GPC6: variants seen among roughly 807,000 people sequenced by gnomAD.
The protein encoded by GPC6 is glypican 6.
In GPC6, 14 loss-of-function variants were observed where a neutral mutation model predicts 55.2. That is an observed-to-expected ratio of 0.25 (90% confidence interval 0.17 to 0.40). The LOEUF is 0.40. GPC6 is among the 10% of genes least tolerant of loss of function. The probability of loss-of-function intolerance (pLI) is 1.00; values close to 1 mark genes in which losing one functional copy is unlikely to be tolerated. For synonymous variants in GPC6, 278 were observed against 259.6 expected, an observed-to-expected ratio of 1.07 and a Z score of -0.68; for missense variants, 641 against 708.5, an observed-to-expected ratio of 0.90 and a Z score of 1.08.
At chr13:93,552,420 C>T (rs1875207916) in intron 2 of GPC6, among the ~76,000 whole-genome samples, 1 of 151,106 alleles carries the variant, frequency 6.6e-6, no homozygotes, top group Non-Finnish European at 1.5e-5. Context: ...CTTTGTACAA[C>T]TGGAATATGC....
At chr13:94,339,751 CTTTTTT>C (rs56074677) in intron 6 of GPC6, among the ~76,000 whole-genome samples, 19 of 63,810 alleles carry the variant, frequency 3.0e-4, no homozygotes, top group East Asian at 1.3e-3. Flanking sequence ...GCATACTTTC[CTTTTTT>C]TTTTTTTTTT....
chr13:94,010,323 T>C (rs1300559063), intron 3 of GPC6, among the ~76,000 whole-genome samples: 1 of 152,178 alleles, frequency 6.6e-6, no homozygotes, highest in Non-Finnish European at 1.5e-5. Flanking sequence ...TAGACAGACA[T>C]TAACATCAGA....
rs199803814 is a variant in GPC6 at position 93,233,344 on chromosome 13, C to CAA, written c.160+5740_160+5741dup. ...TTAAATGAATGTGCCAGTTAGTAGCCAAAAAAAAAAAAATCAAAATTTGGT... is the reference window on the plus strand; with the variant it reads ...TTAAATGAATGTGCCAGTTAGTAGCCAAAAAAAAAAAAAAATCAAAATTTGGT... On this transcript the variant is annotated intron_variant, in intron 1 of 8. Transcript: ENST00000377047. Among the ~76,000 whole-genome samples the CAA allele has an allele frequency of 1.8e-3, 223 of 126,140 alleles. No individual in the cohort carries two copies. In the East Asian group the frequency reaches 0.022, roughly 12 times the overall value. 82.8% of individuals were successfully genotyped at this position (126,140 alleles called of 152,430 possible).
chr13:94,150,743 A>G (rs755400091), intron 4 of GPC6, among the ~76,000 whole-genome samples: 1 of 149,966 alleles, frequency 6.7e-6, no homozygotes, highest in Non-Finnish European at 1.5e-5. Flanking sequence ...TTTTCCCTAG[A>G]AGAAGAGATA....
At chr13:93,926,587 C>T (rs1433169364) in intron 3 of GPC6, among the ~76,000 whole-genome samples, 1 of 152,170 alleles carries the variant, frequency 6.6e-6, no homozygotes, top group Non-Finnish European at 1.5e-5. Context: ...TGCTGTGTGA[C>T]ACATATGTTT....
At chr13:93,843,277 C>T (rs1888026378) in intron 3 of GPC6, among the ~76,000 whole-genome samples, 1 of 152,124 alleles carries the variant, frequency 6.6e-6, no homozygotes, top group Non-Finnish European at 1.5e-5. Flanking sequence ...TTTAGCCTGA[C>T]TCACTTTTCA....
At chr13:93,882,643 G>T (rs1875066455) in intron 3 of GPC6, among the ~76,000 whole-genome samples, 1 of 151,932 alleles carries the variant, frequency 6.6e-6, no homozygotes, top group African/African-American at 2.4e-5. Flanking sequence ...AATGCTTAGA[G>T]TTATGTAAAT....
chr13:93,810,904 T>C (rs1303496523), intron 2 of GPC6, among the ~76,000 whole-genome samples: 1 of 152,230 alleles, frequency 6.6e-6, no homozygotes, highest in Non-Finnish European at 1.5e-5. Flanking sequence ...CCAGTTTGCT[T>C]AATGTTGTTT....
intron 7 of GPC6, among the ~76,000 whole-genome samples, chr13:94,386,751 T>G (rs1226339820): frequency 6.6e-6 from 1 of 152,182 alleles, no homozygotes; most frequent in Non-Finnish European, 1.5e-5. Flanking sequence ...AACCAGACAT[T>G]TCTTCCTCTC....
intron 2 of GPC6, among the ~76,000 whole-genome samples, chr13:93,760,288 C>T (rs550442639): frequency 2.6e-4 from 39 of 152,252 alleles, no homozygotes; most frequent in Non-Finnish European, 4.7e-4. Flanking sequence ...CATGTTAAGC[C>T]GCTTCTCAGG....
chr13:93,470,903 A>G (rs1182635698), intron 1 of GPC6, among the ~76,000 whole-genome samples: 2 of 152,056 alleles, frequency 1.3e-5, no homozygotes, highest in East Asian at 3.9e-4. Context: ...TTTCAACTAA[A>G]ATGTTGGATT....
chr13:93,523,970 A>G (rs1223479105), intron 1 of GPC6, among the ~76,000 whole-genome samples: 2 of 151,938 alleles, frequency 1.3e-5, no homozygotes, highest in African/African-American at 4.8e-5. Context: ...GTGGGAACTC[A>G]AAAGAATTAG....
intron 1 of GPC6, among the ~76,000 whole-genome samples, chr13:93,498,704 C>T (rs922835692): frequency 6.6e-6 from 1 of 152,152 alleles, no homozygotes; most frequent in Non-Finnish European, 1.5e-5. Context: ...GTAAGTTCAA[C>T]TAAACCTCTT....
chr13:93,622,072 C>A (rs529837512), intron 2 of GPC6, among the ~76,000 whole-genome samples: 2 of 152,194 alleles, frequency 1.3e-5, no homozygotes, highest in Non-Finnish European at 2.9e-5. Flanking sequence ...CTTCCTCCAA[C>A]TTTTTTAGTT....
At chr13:94,101,919 T>C (rs189046277) in intron 4 of GPC6, among the ~76,000 whole-genome samples, 9 of 152,308 alleles carry the variant, frequency 5.9e-5, no homozygotes, top group Admixed American at 5.2e-4. Context: ...AGTTGTTTTT[T>C]CTTCATTTGT....
intron 2 of GPC6, among the ~76,000 whole-genome samples, chr13:93,622,537 CAG>C (rs1262767841): frequency 1.3e-5 from 2 of 152,110 alleles, no homozygotes; most frequent in African/African-American, 4.8e-5. Context: ...CTTCTTAAAT[CAG>C]AGACTGGAGG....
At chr13:93,500,403 T>C (rs1880477098) in intron 1 of GPC6, among the ~76,000 whole-genome samples, 1 of 152,112 alleles carries the variant, frequency 6.6e-6, no homozygotes, top group Non-Finnish European at 1.5e-5. Flanking sequence ...TAAAAGAGCA[T>C]TTGAGGAACA....
chr13:93,781,363 A>G (rs1254753683), intron 2 of GPC6, among the ~76,000 whole-genome samples: 1 of 152,116 alleles, frequency 6.6e-6, no homozygotes, highest in Non-Finnish European at 1.5e-5. Context: ...CGCCATTTTG[A>G]TCCTGTGAAG....
chr13:93,625,260 T>G (rs1264360610), intron 2 of GPC6, among the ~76,000 whole-genome samples: 3 of 152,148 alleles, frequency 2.0e-5, no homozygotes, highest in Non-Finnish European at 4.4e-5. Flanking sequence ...TGCCCTTTAT[T>G]TTTCTGCCCT....
Sources: allele counts gnomAD v4.1 joint callset (sites outside exome capture counted in the v4.1 genomes callset), GRCh38; gene constraint gnomAD v4.1.1; transcripts MANE v1.5; gene names NCBI Gene and HGNC (gene_info 2026-07-23, HGNC 2026-07-21).